UTRN: variants seen among roughly 807,000 people sequenced by gnomAD.
UTRN encodes the protein utrophin, also known as dystrophin-related protein 1.
Under a neutral mutation model 463.9 loss-of-function variants are expected in UTRN, and 283 were observed. The observed-to-expected ratio is 0.61, with a 90% CI of 0.55 to 0.67. UTRN has a LOEUF of 0.67. Among genes scored for constraint, UTRN ranks in the 30% least tolerant of loss-of-function variants. The pLI is 0.00. For missense variants in UTRN, 3,922 were observed against 4,084.3 expected (o/e 0.96, Z 1.08); for synonymous variants, 1,442 against 1,431.5 (o/e 1.01, Z -0.17).
At chr6:144,490,767 A>G (rs1049494827) in intron 31 of UTRN, among the ~76,000 whole-genome samples, 162 bp from the exon 32 acceptor site, 4 of 152,164 alleles carry the variant, frequency 2.6e-5, no homozygotes, top group Non-Finnish European at 5.9e-5. Flanking sequence ...GTGATCGGGT[A>G]CCCTCACTGA....
At chr6:144,671,112 A>C (rs1037734508) in intron 51 of UTRN, among the ~76,000 whole-genome samples, 1 of 149,346 alleles carries the variant, frequency 6.7e-6, no homozygotes, top group Non-Finnish European at 1.5e-5. Flanking sequence ...TGCTTTGGCT[A>C]TGTGGGGTCC....
chr6:144,667,544 C>T (rs867608534), intron 51 of UTRN, among the ~76,000 whole-genome samples: 28 of 152,142 alleles, frequency 1.8e-4, no homozygotes, highest in Admixed American at 2.0e-4. Flanking sequence ...CCTTGCTTGT[C>T]GTGTCATTGA....
Position 144,510,948 on chromosome 6 carries a change from T to A in UTRN, c.4769T>A (p.Val1590Asp). Reference sequence around the variant, plus strand: ...CTTGGTGTTTTTATTTTCTAGAATGTTCTGAAGGATCTGGAAAAGAGAAAA... The same window carrying A: ...CTTGGTGTTTTTATTTTCTAGAATGATCTGAAGGATCTGGAAAAGAGAAAA... ...LDTEISWAKN[V>D]LKDLEKRKAD... is the part of the protein sequence containing the mutation. Residue 1590 changes from valine (V) to aspartate (D), a missense_variant, in exon 35 of 75, where the codon GTT becomes GAT. By Grantham distance (152) the Val-to-Asp change is radical. Transcript: ENST00000367545. 1 of 1,587,826 alleles carries A rather than the reference T, an allele frequency of 6.3e-7. No homozygotes were observed. The highest frequency in any genetic ancestry group is 8.6e-7 in the Non-Finnish European group (1 of 1,163,132).
At chr6:144,834,424 C>T (rs1203966084) in intron 69 of UTRN, among the ~76,000 whole-genome samples, 1 of 152,144 alleles carries the variant, frequency 6.6e-6, no homozygotes, top group East Asian at 1.9e-4. Flanking sequence ...GTTTGACAAG[C>T]ATAATACCAG....
chr6:144,381,028 T>A (rs1780863430), intron 2 of UTRN, among the ~76,000 whole-genome samples: 2 of 152,174 alleles, frequency 1.3e-5, no homozygotes, highest in Non-Finnish European at 2.9e-5. Context: ...TTTAAACTTT[T>A]ATTTTAAGTT....
At chr6:144,766,792 G>A (rs1274534258) in intron 58 of UTRN, among the ~76,000 whole-genome samples, 3 of 152,024 alleles carry the variant, frequency 2.0e-5, no homozygotes, top group African/African-American at 7.3e-5. Flanking sequence ...GTAGGGGTGT[G>A]TGTGTGTGTG....
chr6:144,738,276 C>T (rs1361025506), intron 54 of UTRN, among the ~76,000 whole-genome samples: 3 of 152,188 alleles, frequency 2.0e-5, no homozygotes, highest in African/African-American at 7.2e-5. Context: ...GTGCTGCCAG[C>T]CTCCCCTGGC....
At chr6:144,402,087 A>G (rs890568045) in intron 2 of UTRN, among the ~76,000 whole-genome samples, 18 of 152,360 alleles carry the variant, frequency 1.2e-4, no homozygotes, top group Admixed American at 3.3e-4. Context: ...GCTTTAATAG[A>G]AAATCGTGGA....
intron 53 of UTRN, among the ~76,000 whole-genome samples, chr6:144,729,588 G>A (rs1387071179): frequency 6.6e-6 from 1 of 152,206 alleles, no homozygotes; most frequent in Non-Finnish European, 1.5e-5. Flanking sequence ...TTTGGCAACA[G>A]CGTTAAAATT....
intron 9 of UTRN, among the ~76,000 whole-genome samples, chr6:144,434,315 C>A (rs1294500657): frequency 1.6e-5 from 2 of 128,458 alleles, no homozygotes; most frequent in Non-Finnish European, 3.1e-5. Flanking sequence ...TTCGGCTCGG[C>A]ATCAGAGGGA....
intron 69 of UTRN, among the ~76,000 whole-genome samples, chr6:144,831,138 G>A (rs1193614338): frequency 6.6e-6 from 1 of 152,162 alleles, no homozygotes; most frequent in Non-Finnish European, 1.5e-5. Flanking sequence ...AGAACATGAT[G>A]AAGGCATTTG....
Position 144,814,332 on chromosome 6 carries a change from T to C in UTRN, c.9358-6550T>C, listed in dbSNP as rs1778891827. Among the ~76,000 whole-genome samples, 3 of 152,286 alleles carry C rather than the reference T, an allele frequency of 2.0e-5. No homozygotes were observed. In the South Asian group the frequency reaches 6.2e-4, roughly 32 times the overall value. ...CACAGATCTACCAATCCTTTGATCT[T>C]GGACTTGCCAGTCTCCAGAACTGTG... is the stretch of plus-strand genomic sequence containing the variant. On this transcript the variant is annotated intron_variant, in intron 65 of 74. Coordinates refer to ENST00000367545, the MANE Select transcript of UTRN (RefSeq NM_007124.3).
At position 144,461,295 on chromosome 6, in the gene UTRN, G is replaced by A; in HGVS notation, c.2806G>A (p.Val936Ile). The change falls in exon 22 of 75, where the codon GTC (valine) becomes ATC (isoleucine). Residue 936 changes from valine to isoleucine, a missense_variant. Transcript: ENST00000367545. ...SENKAQVSLN[V>I]LNDLAKVEKA... ...AAATAAGGCCCAGGTGTCTCTGAAT[G>A]TCCTTAATGATCTTGCCAAGGTGGA... is the stretch of plus-strand genomic sequence containing the variant. 1 of 1,600,416 alleles carries A rather than the reference G, an allele frequency of 6.2e-7. No homozygotes were observed. The highest frequency in any genetic ancestry group is 8.5e-7 in the Non-Finnish European group (1 of 1,171,990).
intron 30 of UTRN, among the ~76,000 whole-genome samples, chr6:144,489,210 C>T (rs939919090): frequency 3.3e-5 from 5 of 151,998 alleles, no homozygotes; most frequent in African/African-American, 4.8e-5. Flanking sequence ...CCACCACGCC[C>T]GGCTAATTTT....
At chr6:144,323,191 T>C (rs1775773253) in intron 2 of UTRN, among the ~76,000 whole-genome samples, 1 of 152,200 alleles carries the variant, frequency 6.6e-6, no homozygotes, top group Non-Finnish European at 1.5e-5. Flanking sequence ...GATGTTTGCA[T>C]TGATGAAGCA....
chr6:144,404,070 A>G (rs1783164978), intron 3 of UTRN, among the ~76,000 whole-genome samples: 3 of 152,202 alleles, frequency 2.0e-5, no homozygotes, highest in Admixed American at 6.5e-5. Context: ...AAAAATGAGG[A>G]TATCTTAAGG....
intron 1 of UTRN, among the ~76,000 whole-genome samples, chr6:144,291,052 G>T (rs1584147692): frequency 6.6e-6 from 1 of 152,122 alleles, no homozygotes; most frequent in East Asian, 1.9e-4. Flanking sequence ...GGGATTACAG[G>T]CATGAGCCAC....
chr6:144,318,818 C>A (rs184690991), intron 2 of UTRN, among the ~76,000 whole-genome samples: 4 of 152,274 alleles, frequency 2.6e-5, no homozygotes, highest in Non-Finnish European at 5.9e-5. Flanking sequence ...TACCTGTAAT[C>A]CCAGCACTTT....
At chr6:144,489,024 A>ATCGTT in intron 30 of UTRN, among the ~76,000 whole-genome samples, 190 bp downstream of exon 30, 1 of 121,666 alleles carries the variant, frequency 8.2e-6, no homozygotes, top group African/African-American at 3.9e-5. Context: ...AAAGTCTTAT[A>ATCGTT]TAGTTTATTT....
Sources: allele counts gnomAD v4.1 joint callset (sites outside exome capture counted in the v4.1 genomes callset), GRCh38; gene constraint gnomAD v4.1.1; transcripts MANE v1.5; gene names NCBI Gene and HGNC (gene_info 2026-07-23, HGNC 2026-07-21).